Variants in RREB1 observed in about 807,000 individuals in gnomAD.
RREB1 encodes the protein ras responsive element binding protein 1.
Under a neutral mutation model 117.8 loss-of-function variants are expected in RREB1, and 27 were observed. The ratio of observed to expected loss-of-function variants is 0.23; its 90% CI spans 0.17 to 0.32. RREB1 has a LOEUF of 0.32. Ranked by LOEUF, RREB1 falls within the 10% of genes least tolerant of loss-of-function variation. RREB1 has a pLI of 1.00. For missense variants in RREB1, 2,577 were observed against 2,378.2 expected (o/e 1.08, Z -1.74); for synonymous variants, 1,298 against 1,026.7 (o/e 1.26, Z -5.05).
intron 3 of RREB1, 88 bp from the exon 4 acceptor site, chr6:7,181,782 A>T (rs4959428): frequency 1.1e-6 from 1 of 897,004 alleles, no homozygotes; most frequent in Admixed American, 2.0e-5. Context: ...GACCTGAATT[A>T]CAATTAGAGT....
chr6:7,148,306 A>G (rs532371423), intron 1 of RREB1, among the ~76,000 whole-genome samples: 1 of 152,244 alleles, frequency 6.6e-6, no homozygotes, highest in South Asian at 2.1e-4. Flanking sequence ...TGGGGATGGA[A>G]AAAAGCCATC....
At position 7,179,308 on chromosome 6, in the gene RREB1, G is replaced by A. The variant is rs1443633536; in HGVS notation, c.-165-1816G>A. Reference sequence around the variant, plus strand: ...TTGTTTGTTTTTGCTTTTAAAATTTGAGATGGGGTCTTGCTGTTTTGCCTA... The same window carrying A: ...TTGTTTGTTTTTGCTTTTAAAATTTAAGATGGGGTCTTGCTGTTTTGCCTA... On this transcript the variant is annotated intron_variant, in intron 2 of 12. Coordinates refer to ENST00000379938, the MANE Select transcript of RREB1 (RefSeq NM_001003699.4). Among the ~76,000 whole-genome samples, 8 of 152,040 alleles carry A rather than the reference G, an allele frequency of 5.3e-5. No individual in the cohort carries two copies. The East Asian group carries it at 1.5e-3, about 29-fold the overall frequency.
In RREB1 at chr6:7,251,868, A is replaced by G. The variant is rs868732415; in HGVS notation, c.*2900A>G. On this transcript the variant is annotated 3_prime_UTR_variant, in exon 13 of 13. Coordinates refer to ENST00000379938, the MANE Select transcript of RREB1 (RefSeq NM_001003699.4). ...AGAGAATCACAAGTTTGGTTTTGGT[A>G]CTTTTTGTTCCTCTTTGTATTCAGT... 1.3e-5 allele frequency: 2 copies of G among 152,332 alleles called. No individual in the cohort carries two copies. The highest frequency in any genetic ancestry group is 3.4e-3 in the Middle Eastern group (1 of 294). The allele number at this position is 152,332 out of a possible 1,614,324, so 9.4% of individuals were successfully genotyped here.
chr6:7,188,252 T>TGCGC (rs560384427), intron 5 of RREB1, among the ~76,000 whole-genome samples: 76 of 147,668 alleles, frequency 5.1e-4, no homozygotes, highest in African/African-American at 1.7e-3. Flanking sequence ...TGTGTGTGTG[T>TGCGC]GCGCGCGCGC....
intron 1 of RREB1, among the ~76,000 whole-genome samples, chr6:7,108,367 G>C (rs1414695756): frequency 6.7e-6 from 1 of 150,172 alleles, no homozygotes; most frequent in Non-Finnish European, 1.5e-5. Flanking sequence ...TCCCTTTCCC[G>C]AGCCGCCGGC....
At chr6:7,210,778 A>G (rs1766535555) in intron 6 of RREB1, 26 bp from the exon 7 acceptor site, 2 of 1,590,290 alleles carry the variant, frequency 1.3e-6, no homozygotes, top group East Asian at 2.2e-5. Flanking sequence ...GTTAGATCAC[A>G]TTGTGTGTGT....
At chr6:7,198,053 G>T (rs1242162695) in intron 6 of RREB1, among the ~76,000 whole-genome samples, 3 of 152,150 alleles carry the variant, frequency 2.0e-5, no homozygotes, top group Admixed American at 6.5e-5. Context: ...GAAAGCAGGG[G>T]ACAGTCACTT....
intron 6 of RREB1, among the ~76,000 whole-genome samples, chr6:7,205,545 A>G (rs1766222975): frequency 6.6e-6 from 1 of 152,230 alleles, no homozygotes; most frequent in South Asian, 2.1e-4. Flanking sequence ...ATTGCTGCTC[A>G]GAGCAAGCCA....
chr6:7,247,307 A>C, intron 12 of RREB1, 86 bp downstream of exon 12: 1 of 1,227,706 alleles, frequency 8.1e-7, no homozygotes, highest in Non-Finnish European at 1.1e-6. Context: ...GCGGCGCTGG[A>C]GGCCACCGAG....
rs1767983678 is a variant in RREB1 at position 7,231,593 on chromosome 6, C to T, written c.3494C>T (p.Ala1165Val). Residue 1165 changes from alanine (A) to valine (V), a missense_variant, in exon 10 of 13, where the codon GCC (alanine) becomes GTC (valine). Ala to Val is a moderately conservative substitution (Grantham distance 64, BLOSUM62 0). Coordinates refer to ENST00000379938, the MANE Select transcript of RREB1 (RefSeq NM_001003699.4). ...AGGGGGATGAGGAGCCGACCCCGCG[C>T]CAACAGCGGCGGGGTGGACCTGGAC... ...RKRGMRSRPR[A>V]NSGGVDLDSS... The T allele has an allele frequency of 6.2e-7, 1 of 1,611,994 alleles. No homozygotes were observed. Among genetic ancestry groups the T allele is most frequent in the South Asian group, 1.1e-5 (1 of 91,016 alleles).
chr6:7,172,380 G>A (rs182034773), intron 1 of RREB1, among the ~76,000 whole-genome samples: 9 of 151,542 alleles, frequency 5.9e-5, no homozygotes, highest in African/African-American at 2.2e-4. Context: ...CTTGAATGTG[G>A]CCTGTACCAA....
intron 1 of RREB1, among the ~76,000 whole-genome samples, chr6:7,126,291 C>CAT (rs2113336198): frequency 6.7e-6 from 1 of 148,698 alleles, no homozygotes; most frequent in Admixed American, 6.7e-5. Flanking sequence ...TGAGCCACTG[C>CAT]GCCCGGCCTC....
intron 1 of RREB1, among the ~76,000 whole-genome samples, chr6:7,149,702 G>C (rs1359348593): frequency 6.6e-6 from 1 of 152,130 alleles, no homozygotes; most frequent in East Asian, 1.9e-4. Context: ...TTTGTTTTTT[G>C]TTGAGACAGA....
chr6:7,246,247 G>A (rs1341877802), intron 11 of RREB1, among the ~76,000 whole-genome samples, 177 bp from the exon 12 acceptor site: 5 of 152,190 alleles, frequency 3.3e-5, no homozygotes, highest in African/African-American at 7.2e-5. Context: ...CGTCCCCAGG[G>A]TCATCTTGGT....
At chr6:7,155,028 G>A (rs1001266436) in intron 1 of RREB1, among the ~76,000 whole-genome samples, 21 of 152,292 alleles carry the variant, frequency 1.4e-4, no homozygotes, top group African/African-American at 5.1e-4. Context: ...ATAGAACGGG[G>A]TTGTTAGGGG....
At chr6:7,124,667 T>C (rs1761833685) in intron 1 of RREB1, among the ~76,000 whole-genome samples, 1 of 152,256 alleles carries the variant, frequency 6.6e-6, no homozygotes, top group African/African-American at 2.4e-5. Flanking sequence ...CATGTAGAAA[T>C]ACTCCCAGCA....
At chr6:7,117,514 G>A (rs887669489) in intron 1 of RREB1, among the ~76,000 whole-genome samples, 23 of 144,914 alleles carry the variant, frequency 1.6e-4, no homozygotes, top group Admixed American at 1.4e-3. Flanking sequence ...AGGTTCAAGC[G>A]ATTCTCTTAG....
rs1356085364 is a variant in RREB1 at position 7,251,080 on chromosome 6, T to TG, written c.*2116dup. 6.6e-6 allele frequency: 1 copy of TG among 152,128 alleles called. No individual in the cohort carries two copies. Among genetic ancestry groups the TG allele is most frequent in the African/African-American group, 2.4e-5 (1 of 41,410 alleles). 9.4% of individuals were successfully genotyped at this position (152,128 alleles called of 1,614,324 possible). A position where few individuals can be genotyped will look rare whatever the true frequency, so the allele number is the denominator to read the frequency against. ...TCTCCACACTAAACTTGCAATATTG[T>TG]GGGGAGAAGCTGTGACTAAACTCTA... On this transcript the variant is annotated 3_prime_UTR_variant, in exon 13 of 13. Transcript: ENST00000379938.
At chr6:7,154,793 G>C (rs986030013) in intron 1 of RREB1, among the ~76,000 whole-genome samples, 1 of 152,072 alleles carries the variant, frequency 6.6e-6, no homozygotes, top group Non-Finnish European at 1.5e-5. Flanking sequence ...GTTACCCACC[G>C]GGCCTTAAGG....
Sources: allele counts gnomAD v4.1 joint callset (sites outside exome capture counted in the v4.1 genomes callset), GRCh38; gene constraint gnomAD v4.1.1; transcripts MANE v1.5; gene names NCBI Gene and HGNC (gene_info 2026-07-23, HGNC 2026-07-21).